Variants in MARCHF3 observed in about 807,000 individuals in gnomAD.
MARCHF3 encodes the protein E3 ubiquitin-protein ligase MARCHF3.
MARCHF3 carries 13 observed loss-of-function variants against 24.2 expected under a neutral mutation model. The observed-to-expected ratio is 0.54, with a 90% CI of 0.35 to 0.85. The LOEUF is 0.85. MARCHF3 is among the 40% of genes least tolerant of loss of function. The pLI is 0.01. For synonymous variants in MARCHF3, 144 were observed against 137.3 expected, an observed-to-expected ratio of 1.05 and a Z score of -0.34; for missense variants, 276 against 325.0, an observed-to-expected ratio of 0.85 and a Z score of 1.16.
rs61647801 is a variant in MARCHF3 at position 126,870,087 on chromosome 5, T to C, written c.*546A>G. ...CAAATATGACTTGTTCTGCATCTGT[T>C]ATGCTGTCTCCTTGAGTAATGGACG... is the stretch of plus-strand genomic sequence containing the variant. On this transcript the variant is annotated 3_prime_UTR_variant, in exon 5 of 5. Coordinates refer to ENST00000308660, the MANE Select transcript of MARCHF3 (RefSeq NM_178450.5). The C allele has an allele frequency of 0.014, 2,162 of 152,734 alleles. 42 individuals carry two copies. The highest frequency in any genetic ancestry group is 0.091 in the East Asian group (473 of 5,176). The allele number at this position is 152,734 out of a possible 1,614,324, so 9.5% of individuals were successfully genotyped here.
chr5:126,894,427 G>C lies in MARCHF3; in HGVS notation c.394-16033C>G, dbSNP rs1212292947. Among the ~76,000 whole-genome samples, 6 of 151,274 alleles carry C rather than the reference G, an allele frequency of 4.0e-5. No homozygotes were observed. The South Asian group carries it at 1.1e-3, about 27-fold the overall frequency. ...GCATGATTTTGCAGCGGCTGGTACC[G>C]GTTGTTCCTTTCCATGTTTAGCGCT... is the stretch of plus-strand genomic sequence containing the variant. On this transcript the variant is annotated intron_variant, in intron 3 of 4. Coordinates refer to ENST00000308660, the MANE Select transcript of MARCHF3 (RefSeq NM_178450.5).
intron 3 of MARCHF3, among the ~76,000 whole-genome samples, chr5:126,912,281 G>C (rs957044727): frequency 6.6e-6 from 1 of 152,188 alleles, no homozygotes; most frequent in Non-Finnish European, 1.5e-5. Flanking sequence ...AGGACTGAGA[G>C]GGTTTATTGA....
chr5:126,929,851 G>T (rs1749423494), intron 1 of MARCHF3, among the ~76,000 whole-genome samples: 1 of 152,140 alleles, frequency 6.6e-6, no homozygotes, highest in Admixed American at 6.5e-5. Flanking sequence ...AGTCTCACAA[G>T]ATCTGATGGT....
chr5:126,896,181 G>C (rs544323611), intron 3 of MARCHF3, among the ~76,000 whole-genome samples: 1 of 152,064 alleles, frequency 6.6e-6, no homozygotes, highest in South Asian at 2.1e-4. Flanking sequence ...CGCACGGTGC[G>C]TGCACCCACT....
At chr5:126,880,515 C>T (rs1753308152) in intron 3 of MARCHF3, among the ~76,000 whole-genome samples, 1 of 152,174 alleles carries the variant, frequency 6.6e-6, no homozygotes. Flanking sequence ...TTAACATGTT[C>T]TTGCCTGAGT....
intron 1 of MARCHF3, among the ~76,000 whole-genome samples, chr5:126,939,763 T>C (rs539900573): frequency 6.6e-6 from 1 of 152,268 alleles, no homozygotes; most frequent in African/African-American, 2.4e-5. Flanking sequence ...CAGGATTAGG[T>C]TCCTGTGGAC....
In MARCHF3 at chr5:126,996,784, T is replaced by C. The variant is rs575295302; in HGVS notation, c.-57+33566A>G. On this transcript the variant is annotated intron_variant, in intron 1 of 4. Coordinates refer to ENST00000308660, the MANE Select transcript of MARCHF3 (RefSeq NM_178450.5). ...AATCAATAATTGATTATTTATACAATGGGGTACAACAACGCAAGTAAGAAA... is the reference window on the plus strand; with the variant it reads ...AATCAATAATTGATTATTTATACAACGGGGTACAACAACGCAAGTAAGAAA... 1.3e-3 allele frequency among the ~76,000 whole-genome samples: 193 copies of C among 151,510 alleles called. 1 individual carries two copies. Among genetic ancestry groups the C allele is most frequent in the African/African-American group, 4.5e-3 (186 of 41,236 alleles).
intron 1 of MARCHF3, among the ~76,000 whole-genome samples, chr5:126,937,033 G>C (rs1561436530): frequency 2.0e-5 from 3 of 152,204 alleles, no homozygotes; most frequent in Admixed American, 6.5e-5. Context: ...CCTCAGCTTT[G>C]GGTCTCTCAA....
intron 1 of MARCHF3, among the ~76,000 whole-genome samples, chr5:126,991,439 C>A (rs889502079): frequency 3.3e-5 from 5 of 152,042 alleles, no homozygotes; most frequent in Admixed American, 1.3e-4. Context: ...AGGAGAAATA[C>A]CTAATGTAAA....
intron 1 of MARCHF3, among the ~76,000 whole-genome samples, chr5:126,996,677 T>G (rs1751958107): frequency 6.6e-6 from 1 of 151,950 alleles, no homozygotes; most frequent in Admixed American, 6.6e-5. Context: ...TAATAAGGAA[T>G]GCAGGAGAAC....
At chr5:126,978,607 A>G (rs1401496461) in intron 1 of MARCHF3, among the ~76,000 whole-genome samples, 1 of 152,218 alleles carries the variant, frequency 6.6e-6, no homozygotes, top group African/African-American at 2.4e-5. Context: ...TGTTACAGGC[A>G]TATCAGCATT....
intron 1 of MARCHF3, among the ~76,000 whole-genome samples, chr5:127,004,084 A>G (rs1752226484): frequency 6.6e-6 from 1 of 152,212 alleles, no homozygotes; most frequent in African/African-American, 2.4e-5. Context: ...ACCCATCTGT[A>G]TGGCTCTTTC....
At chr5:126,908,163 G>C (rs1231058663) in intron 3 of MARCHF3, among the ~76,000 whole-genome samples, 3 of 152,094 alleles carry the variant, frequency 2.0e-5, no homozygotes, top group East Asian at 3.9e-4. Flanking sequence ...CCCTCTTCTG[G>C]CTTGTAGAGT....
At chr5:126,956,297 A>G (rs1043662020) in intron 1 of MARCHF3, among the ~76,000 whole-genome samples, 1 of 152,196 alleles carries the variant, frequency 6.6e-6, no homozygotes, top group Admixed American at 6.5e-5. Flanking sequence ...ACAAAGATGC[A>G]GAGATCTTAT....
chr5:126,877,238 T>C (rs916503373), intron 4 of MARCHF3, among the ~76,000 whole-genome samples: 2 of 152,184 alleles, frequency 1.3e-5, no homozygotes, highest in Non-Finnish European at 2.9e-5. Flanking sequence ...AAGTATGTGC[T>C]AGAAGCAGCT....
chr5:126,910,650 T>A (rs1656764383), intron 3 of MARCHF3, among the ~76,000 whole-genome samples: 1 of 152,194 alleles, frequency 6.6e-6, no homozygotes, highest in African/African-American at 2.4e-5. Context: ...CTTAATCCCA[T>A]CATCTTTGTA....
At chr5:126,942,594 A>G (rs77626002) in intron 1 of MARCHF3, among the ~76,000 whole-genome samples, 1,678 of 152,340 alleles carry the variant, frequency 0.011, 26 homozygotes, top group African/African-American at 0.038. Flanking sequence ...ACACAATAAG[A>G]TAACAGTTTA....
At chr5:126,976,806 T>G (rs1317371360) in intron 1 of MARCHF3, among the ~76,000 whole-genome samples, 13 of 152,224 alleles carry the variant, frequency 8.5e-5, no homozygotes, top group Admixed American at 8.5e-4. Flanking sequence ...AGAGCCCCAT[T>G]GGGCCCTCCA....
At chr5:126,965,708 GAGAA>G (rs1397674120) in intron 1 of MARCHF3, among the ~76,000 whole-genome samples, 1 of 152,160 alleles carries the variant, frequency 6.6e-6, no homozygotes, top group Non-Finnish European at 1.5e-5. Flanking sequence ...CACTGAGAGA[GAGAA>G]AGAGAGGATT....
Sources: gnomAD v4.1 joint callset for allele counts (sites outside exome capture counted in the v4.1 genomes callset) on GRCh38, gnomAD v4.1.1 for gene constraint, MANE v1.5 for transcripts, NCBI Gene and HGNC (gene_info 2026-07-23, HGNC 2026-07-21) for gene names.